The following TTN variants were observed in gnomAD, a reference collection of about 807,000 sequenced individuals.
TTN encodes connectin.
Under a neutral mutation model 3,223.0 loss-of-function variants are expected in TTN, and 1,525 were observed. The ratio of observed to expected loss-of-function variants is 0.47; its 90% confidence interval spans 0.45 to 0.49. TTN has a LOEUF of 0.49. Ranked by LOEUF, TTN falls within the 20% of genes least tolerant of loss-of-function variation. The pLI is 0.00. For missense variants in TTN, 40,786 were observed against 43,424.0 expected, an observed-to-expected ratio of 0.94 and a Z score of 5.40; for synonymous variants, 14,094 against 15,161.0, an observed-to-expected ratio of 0.93 and a Z score of 5.17.
intron 239 of TTN, 21 bp from the exon 240 acceptor site, chr2:178,629,464 A>G (rs2059507389): frequency 6.2e-7 from 1 of 1,611,968 alleles, no homozygotes; most frequent in African/African-American, 1.3e-5. Flanking sequence ...GGGAAGAAAC[A>G]GCTTTGCGTT....
intron 153 of TTN, 72 bp from the exon 154 acceptor site, chr2:178,672,553 A>G (rs1040410731): frequency 3.1e-6 from 5 of 1,601,098 alleles, no homozygotes; most frequent in Admixed American, 3.3e-5. Flanking sequence ...ATCAAAAACA[A>G]TCAAGACACA....
Position 178,572,061 on chromosome 2 carries a change from C to G in TTN, c.74071G>C (p.Ala24691Pro). ...QGEEYSFRVS[A>P]QNEKGISDPR... ...TCACTGATGCCCTTTTCATTCTGAGCTGAAACACGGAAAGAGTATTCTTCA... is the reference window on the plus strand; with the variant it reads ...TCACTGATGCCCTTTTCATTCTGAGGTGAAACACGGAAAGAGTATTCTTCA... The change falls in exon 326 of 363, where the codon GCT (alanine) becomes CCT (proline). Residue 24691 changes from alanine (A) to proline (P), a missense_variant. By Grantham distance (27) the Ala-to-Pro change is conservative. Coordinates refer to ENST00000589042, the MANE Select transcript of TTN (RefSeq NM_001267550.2). 1 of 1,613,224 alleles carries G rather than the reference C, an allele frequency of 6.2e-7. No homozygotes were observed. The highest frequency in any genetic ancestry group is 8.5e-7 in the Non-Finnish European group (1 of 1,179,562).
At chr2:178,702,750 CA>C in intron 106 of TTN, 87 bp from the exon 107 acceptor site, 1 of 1,310,982 alleles carries the variant, frequency 7.6e-7, no homozygotes, top group Middle Eastern at 2.0e-4. Flanking sequence ...TTAAAATCTC[CA>C]TCTTTGTACC....
At position 178,598,514 on chromosome 2, in the gene TTN, A is replaced by G; in HGVS notation, c.57103T>C (p.Trp19035Arg). Residue 19035 changes from tryptophan (W) to arginine (R), a missense_variant, in exon 292 of 363, where the codon TGG (tryptophan) becomes CGG (arginine). Trp to Arg is a moderately radical substitution (Grantham distance 101, BLOSUM62 -3). Coordinates refer to ENST00000589042, the MANE Select transcript of TTN (RefSeq NM_001267550.2). Reference sequence around the variant, plus strand: ...GTGCCAAGTTTTCCTACCTTTTCCCATTCTTCTTTTCCTTCTTCTTTATAT... The same window carrying G: ...GTGCCAAGTTTTCCTACCTTTTCCCGTTCTTCTTTTCCTTCTTCTTTATAT... The part of the protein sequence containing the change: ...VEYKEEGKEE[W>R]EKGKDKEVRG... The G allele has an allele frequency of 6.2e-7, 1 of 1,604,934 alleles. No individual in the cohort carries two copies. The highest frequency in any genetic ancestry group is 8.5e-7 in the Non-Finnish European group (1 of 1,177,690).
chr2:178,751,203 T>C (rs764331616), intron 47 of TTN: 3 of 1,610,396 alleles, frequency 1.9e-6, no homozygotes, highest in Non-Finnish European at 2.5e-6. Context: ...GCTTCACTTC[T>C]CAAAGTTCTT....
intron 1 of TTN, among the ~76,000 whole-genome samples, chr2:178,805,343 CAAAAA>C (rs34870064): frequency 1.1e-5 from 1 of 89,842 alleles, no homozygotes; most frequent in Non-Finnish European, 2.2e-5. Context: ...GACTCTGTCT[CAAAAA>C]AAAAAAAAAA....
chr2:178,745,783 G>T, intron 47 of TTN: 1 of 1,613,166 alleles, frequency 6.2e-7, no homozygotes, highest in Non-Finnish European at 8.5e-7. Flanking sequence ...GTCTTGGAGA[G>T]CCACGAACTA....
intron 162 of TTN, 38 bp from the exon 163 acceptor site, chr2:178,666,939 G>A: frequency 2.1e-6 from 3 of 1,433,536 alleles, no homozygotes; most frequent in Non-Finnish European, 2.8e-6. Context: ...TTGAGAAAAG[G>A]CAAAGGCATA....
rs727503679 is a variant in TTN at position 178,764,267 on chromosome 2, C to T, written c.10024G>A (p.Val3342Ile). 2.5e-5 allele frequency: 41 copies of T among 1,613,896 alleles called. No individual in the cohort carries two copies. The highest frequency in any genetic ancestry group is 3.3e-5 in the Non-Finnish European group (39 of 1,179,986). ...EVVSPDQEMPVYPPAIITPLQ... is the reference protein window; with the variant it reads ...EVVSPDQEMPIYPPAIITPLQ... ...GGGGTGATGATGGCAGGTGGATAAA[C>T]AGGCATTTCCTGATCAGGAGACACA... The change falls in exon 43 of 363, where the codon GTT becomes ATT. Residue 3342 changes from valine (V) to isoleucine (I), a missense_variant. Val to Ile is a conservative substitution (Grantham distance 29). Coordinates refer to ENST00000589042, the MANE Select transcript of TTN (RefSeq NM_001267550.2).
At chr2:178,691,817 T>C (rs1270471410) in intron 121 of TTN, among the ~76,000 whole-genome samples, 199 bp downstream of exon 121, 1 of 152,190 alleles carries the variant, frequency 6.6e-6, no homozygotes, top group Non-Finnish European at 1.5e-5. Flanking sequence ...AACAATACTT[T>C]TTGGTGATGT....
rs1426162588 is a variant in TTN at position 178,629,411 on chromosome 2, C to G, written c.44314G>C (p.Asp14772His). The change falls in exon 240 of 363, where the codon GAT becomes CAT. Residue 14772 changes from aspartate to histidine, a missense_variant. Transcript: ENST00000589042. ...GTTTCCCCTGCAGTCACGGTGACAT[C>G]CTTTAAAGGCCTCAGAAGACCAATT... The part of the protein sequence containing the change: ...RVIGLLRPLK[D>H]VTVTAGETAT... 2 of 1,612,882 alleles carry G rather than the reference C, an allele frequency of 1.2e-6. No individual in the cohort carries two copies. Among genetic ancestry groups the G allele is most frequent in the Non-Finnish European group, 1.7e-6 (2 of 1,179,322 alleles).
chr2:178,673,754 G>T, intron 151 of TTN, 44 bp from the exon 152 acceptor site: 2 of 1,397,842 alleles, frequency 1.4e-6, no homozygotes, highest in South Asian at 2.5e-5. Context: ...GGCATGTGAT[G>T]AGCAGAACAC....
chr2:178,574,251 C>T lies in TTN; in HGVS notation c.71881G>A (p.Val23961Ile), dbSNP rs397517690. The stretch of plus-strand genomic sequence containing the variant: ...CCATTAGGAAGGTCTCTCTTTTCAA[C>T]GATATAACTGGTAATTTTAAAGCCC... ...TGGFKITSYI[V>I]EKRDLPNGRW... Residue 23961 changes from valine (V) to isoleucine (I), a missense_variant, in exon 326 of 363, where the codon GTT (valine) becomes ATT (isoleucine). Val to Ile is a conservative substitution (Grantham distance 29). Transcript: ENST00000589042. The T allele has an allele frequency of 6.9e-5, 112 of 1,612,890 alleles. 1 individual carries two copies. The South Asian group carries it at 9.9e-4, about 14-fold the overall frequency.
At chr2:178,556,677 G>T in intron 330 of TTN, 171 bp downstream of exon 330, 2 of 716,498 alleles carry the variant, frequency 2.8e-6, no homozygotes, top group Non-Finnish European at 4.5e-6. Context: ...CAAGAGGGCT[G>T]GAAAGGTATT....
Position 178,565,890 on chromosome 2 carries a change from T to C in TTN, c.80242A>G (p.Thr26748Ala). ...SKTSFKVENL[T>A]EGAIYYFRVM... ...CTGAAGTAATAAATGGCTCCTTCTG[T>C]AAGGTTTTCCACTTTAAAACTTGTT... The change falls in exon 326 of 363, where the codon ACA (threonine) becomes GCA (alanine). Residue 26748 changes from threonine (T) to alanine (A), a missense_variant. Physicochemically the swap from Thr to Ala is moderately conservative, Grantham distance 58. Coordinates refer to ENST00000589042, the MANE Select transcript of TTN (RefSeq NM_001267550.2). The C allele has an allele frequency of 6.2e-7, 1 of 1,613,684 alleles. No homozygotes were observed. Among genetic ancestry groups the C allele is most frequent in the South Asian group, 1.1e-5 (1 of 91,074 alleles).
At chr2:178,745,920 A>T in intron 47 of TTN, 1 of 1,609,024 alleles carries the variant, frequency 6.2e-7, no homozygotes, top group Non-Finnish European at 8.5e-7. Flanking sequence ...TTTAAGACCA[A>T]TTCTTCCATT....
chr2:178,536,729 T>C, intron 356 of TTN, 154 bp from the exon 357 acceptor site: 1 of 824,480 alleles, frequency 1.2e-6, no homozygotes. Context: ...CTAAGACATA[T>C]CAAAAACCAA....
At chr2:178,758,028 C>T in intron 44 of TTN, 112 bp from the exon 45 acceptor site, 2 of 1,171,074 alleles carry the variant, frequency 1.7e-6, no homozygotes, top group Non-Finnish European at 2.4e-6. Flanking sequence ...GAATTCAGTC[C>T]ACTCCTACTG....
At position 178,774,146 on chromosome 2, in the gene TTN, A is replaced by AT. The variant is rs1274990819; in HGVS notation, c.7058-37dup. The stretch of plus-strand genomic sequence containing the variant: ...TGGGGAGAAAAAGAATGTTATGATC[A>AT]TTTTTTATCAATAAACCATAATGAT... On this transcript the variant is annotated intron_variant, in intron 30 of 362. Coordinates refer to ENST00000589042, the MANE Select transcript of TTN (RefSeq NM_001267550.2). 8.7e-6 allele frequency: 14 copies of AT among 1,613,926 alleles called. No individual in the cohort carries two copies. In the East Asian group the frequency reaches 1.3e-4, roughly 15 times the overall value.
Sources: allele counts gnomAD v4.1 joint callset (sites outside exome capture counted in the v4.1 genomes callset), GRCh38; gene constraint gnomAD v4.1.1; transcripts MANE v1.5; gene names NCBI Gene and HGNC (gene_info 2026-07-23, HGNC 2026-07-21).